Variants in UTP18 observed in about 807,000 individuals in gnomAD.
The protein encoded by UTP18 is UTP18 small subunit processome component, also known as U3 small nucleolar RNA-associated protein 18 homolog.
A neutral mutation model predicts 61.1 loss-of-function variants in UTP18; 36 were observed. The ratio of observed to expected loss-of-function variants is 0.59; its 90% CI spans 0.45 to 0.78. UTP18 has a LOEUF of 0.78. UTP18 is among the 30% of genes least tolerant of loss of function. UTP18 has a pLI of 0.00. For missense variants in UTP18, 753 were observed against 693.9 expected (o/e 1.09, Z -0.96); for synonymous variants, 282 against 251.1 (o/e 1.12, Z -1.16).
chr17:51,276,025 G>A, intron 6 of UTP18, 34 bp downstream of exon 6: 1 of 1,566,782 alleles, frequency 6.4e-7, no homozygotes, highest in South Asian at 1.2e-5. Flanking sequence ...TATTTCTAAT[G>A]CATTATTTTT....
At chr17:51,297,389 G>T (rs967395224) in intron 13 of UTP18, among the ~76,000 whole-genome samples, 1 of 152,170 alleles carries the variant, frequency 6.6e-6, no homozygotes, top group Non-Finnish European at 1.5e-5. Flanking sequence ...TGAGAGATTA[G>T]CAGCTTGCTC....
rs1597848679 is a variant in UTP18 at position 51,279,856 on chromosome 17, G to C, written c.1013-149G>C. On this transcript the variant is annotated intron_variant, in intron 7 of 13. Coordinates refer to ENST00000225298, the MANE Select transcript of UTP18 (RefSeq NM_016001.3). ...TTGGGTCAAACTCAGTGATGCCTGC[G>C]TTTAGACTTATTCGGGGTCTGAGCC... is the stretch of plus-strand genomic sequence containing the variant. 1.1e-5 allele frequency: 7 copies of C among 647,780 alleles called. No individual in the cohort carries two copies. In the East Asian group the frequency reaches 1.7e-4, roughly 15 times the overall value. 40.1% of individuals were successfully genotyped at this position (647,780 alleles called of 1,614,324 possible). A position where few individuals can be genotyped will look rare whatever the true frequency, so the allele number is the denominator to read the frequency against.
At chr17:51,280,350 ACTTT>A (rs1567703126) in intron 8 of UTP18, 35 bp from the exon 9 acceptor site, 2 of 1,596,938 alleles carry the variant, frequency 1.3e-6, no homozygotes, top group Admixed American at 3.3e-5. Context: ...TCTTCTGTAT[ACTTT>A]CTAACAGTTT....
At chr17:51,273,187 T>A (rs933435775) in intron 4 of UTP18, among the ~76,000 whole-genome samples, 175 bp from the exon 5 acceptor site, 11 of 12,494 alleles carry the variant, frequency 8.8e-4, no homozygotes, top group Admixed American at 2.7e-3. Context: ...CCTTTAAAAT[T>A]TTTTTTTTTT....
intron 11 of UTP18, among the ~76,000 whole-genome samples, chr17:51,293,570 T>C (rs1271567915): frequency 6.7e-6 from 1 of 150,274 alleles, no homozygotes; most frequent in African/African-American, 2.4e-5. Flanking sequence ...CCCAAGACAA[T>C]TCTTCTTCCG....
chr17:51,296,836 C>T, intron 12 of UTP18, 129 bp from the exon 13 acceptor site: 1 of 821,834 alleles, frequency 1.2e-6, no homozygotes, highest in South Asian at 1.8e-5. Context: ...AACCTAACTG[C>T]CTGGTGTGAA....
chr17:51,278,750 T>A (rs1481753602), intron 7 of UTP18, among the ~76,000 whole-genome samples: 2 of 152,216 alleles, frequency 1.3e-5, no homozygotes, highest in Non-Finnish European at 2.9e-5. Context: ...TGGAACTACT[T>A]CAGTATACTT....
intron 4 of UTP18, among the ~76,000 whole-genome samples, chr17:51,269,947 C>T (rs1904460666): frequency 6.6e-6 from 1 of 151,868 alleles, no homozygotes. Flanking sequence ...CCTCTGCCTC[C>T]CGGGTTCCAG....
At chr17:51,297,692 C>T (rs1431271180) in intron 13 of UTP18, 90 bp from the exon 14 acceptor site, 6 of 420,524 alleles carry the variant, frequency 1.4e-5, no homozygotes, top group Non-Finnish European at 2.3e-5. Context: ...GTTTAGCTCT[C>T]CTGTCTCAAA....
intron 10 of UTP18, among the ~76,000 whole-genome samples, chr17:51,287,425 TGG>T (rs1047440137): frequency 3.3e-5 from 5 of 152,076 alleles, no homozygotes; most frequent in African/African-American, 1.2e-4. Context: ...GGAATGGCAG[TGG>T]GGGAATAAGC....
chr17:51,289,132 GTGT>G (rs1215987042), intron 11 of UTP18, among the ~76,000 whole-genome samples: 1 of 151,878 alleles, frequency 6.6e-6, no homozygotes, highest in Non-Finnish European at 1.5e-5. Flanking sequence ...TATAGGAACT[GTGT>G]GCTAGTCAAA....
chr17:51,268,891 A>G lies in UTP18; in HGVS notation c.609A>G (p.Lys203=). Residue 203 remains lysine (K), a synonymous_variant, in exon 4 of 14, where the codon AAA becomes AAG. Coordinates refer to ENST00000225298, the MANE Select transcript of UTP18 (RefSeq NM_016001.3). Reference sequence around the variant, plus strand: ...CCTGGGCAGAGACTACTAAGCGGAAAACATCTTCAGATGGTGAGCGTTGAT... The same window carrying G: ...CCTGGGCAGAGACTACTAAGCGGAAGACATCTTCAGATGGTGAGCGTTGAT... ...VPAWAETTKR[K]TSSDDESEED... 1 of 1,613,932 alleles carries G rather than the reference A, an allele frequency of 6.2e-7. No individual in the cohort carries two copies. The highest frequency in any genetic ancestry group is 8.5e-7 in the Non-Finnish European group (1 of 1,179,854).
chr17:51,272,391 G>A (rs1483926813), intron 4 of UTP18, among the ~76,000 whole-genome samples: 1 of 152,138 alleles, frequency 6.6e-6, no homozygotes, highest in Non-Finnish European at 1.5e-5. Flanking sequence ...GAGCCACCGC[G>A]CCTGGCCTGA....
rs1905412183 is a variant in UTP18 at position 51,297,910 on chromosome 17, CAT to C, written c.*144_*145del. On this transcript the variant is annotated 3_prime_UTR_variant, in exon 14 of 14. Transcript: ENST00000225298. ...TAAGAGCCAGTAATGTCTTAATAAA[CAT>C]GTGGCAGCTTTTGTTTGAAAATAAG... is the stretch of plus-strand genomic sequence containing the variant. The C allele has an allele frequency of 9.9e-6, 3 of 303,290 alleles. No individual in the cohort carries two copies. Among genetic ancestry groups the C allele is most frequent in the African/African-American group, 2.3e-5 (1 of 42,606 alleles). The allele number at this position is 303,290 out of a possible 1,614,324, so 18.8% of individuals were successfully genotyped here.
At position 51,297,746 on chromosome 17, in the gene UTP18, A is replaced by C. The variant is rs569486933; in HGVS notation, c.*15-36A>C. ...GTGTCTGTTGATGACCAGCAGCTAT[A>C]AATCAGGTATGTAATTTCTTTTGTT... On this transcript the variant is annotated intron_variant, in intron 13 of 13. Coordinates refer to ENST00000225298, the MANE Select transcript of UTP18 (RefSeq NM_016001.3). 130 of 439,836 alleles carry C rather than the reference A, an allele frequency of 3.0e-4. 1 individual carries two copies. Among genetic ancestry groups the C allele is most frequent in the Non-Finnish European group, 5.0e-4 (111 of 221,278 alleles). The allele number at this position is 439,836 out of a possible 1,614,324, so 27.2% of individuals were successfully genotyped here.
chr17:51,266,439 G>A (rs552784896), intron 3 of UTP18, among the ~76,000 whole-genome samples, 159 bp downstream of exon 3: 3 of 151,962 alleles, frequency 2.0e-5, no homozygotes, highest in Admixed American at 6.6e-5. Flanking sequence ...TAGGGGAGAG[G>A]GGACAAAACA....
chr17:51,276,231 A>G (rs1375295136), intron 6 of UTP18, among the ~76,000 whole-genome samples: 7 of 152,154 alleles, frequency 4.6e-5, no homozygotes, highest in Non-Finnish European at 7.4e-5. Flanking sequence ...ACTGTTTTCA[A>G]TCACAGCTGC....
In UTP18 at chr17:51,278,394, C is replaced by T. The variant is rs187460925; in HGVS notation, c.1012+1090C>T. On this transcript the variant is annotated intron_variant, in intron 7 of 13. Coordinates refer to ENST00000225298, the MANE Select transcript of UTP18 (RefSeq NM_016001.3). ...AATAGAAAACAATATTTAGTAGTTACTATTTTTACATGTCATTTCACTATT... is the reference window on the plus strand; with the variant it reads ...AATAGAAAACAATATTTAGTAGTTATTATTTTTACATGTCATTTCACTATT... Among the ~76,000 whole-genome samples the T allele has an allele frequency of 2.0e-5, 3 of 152,338 alleles. No homozygotes were observed. The East Asian group carries it at 5.8e-4, about 29-fold the overall frequency.
At chr17:51,285,600 T>C (rs1406728133) in intron 10 of UTP18, among the ~76,000 whole-genome samples, 1 of 152,244 alleles carries the variant, frequency 6.6e-6, no homozygotes, top group Non-Finnish European at 1.5e-5. Flanking sequence ...TGGTTTTAGT[T>C]ACCTGTGGTT....
Sources: allele counts gnomAD v4.1 joint callset (sites outside exome capture counted in the v4.1 genomes callset), GRCh38; gene constraint gnomAD v4.1.1; transcripts MANE v1.5; gene names NCBI Gene and HGNC (gene_info 2026-07-23, HGNC 2026-07-21).